The following MCTP1 variants were observed in gnomAD, a reference collection of about 807,000 sequenced individuals.
MCTP1 encodes the protein multiple C2 and transmembrane domain-containing protein 1.
Under a neutral mutation model 120.6 loss-of-function variants are expected in MCTP1, and 69 were observed. The ratio of observed to expected loss-of-function variants is 0.57; its 90% CI spans 0.47 to 0.70. The LOEUF (loss-of-function observed/expected upper bound fraction) is 0.70. Among genes scored for constraint, MCTP1 ranks in the 30% least tolerant of loss-of-function variants. The probability of loss-of-function intolerance (pLI) is 0.00; values close to 1 mark genes in which losing one functional copy is unlikely to be tolerated. For synonymous variants in MCTP1, 529 were observed against 493.1 expected (o/e 1.07, Z -0.96); for missense variants, 1,203 against 1,248.8 (o/e 0.96, Z 0.55).
chr5:94,718,091 T>A (rs1449835469), intron 19 of MCTP1, among the ~76,000 whole-genome samples: 1 of 152,188 alleles, frequency 6.6e-6, no homozygotes, highest in Non-Finnish European at 1.5e-5. Context: ...GCTGGAGGCA[T>A]CATGCTACCT....
At chr5:95,159,781 G>T (rs1362185505) in intron 1 of MCTP1, among the ~76,000 whole-genome samples, 1 of 151,876 alleles carries the variant, frequency 6.6e-6, no homozygotes, top group African/African-American at 2.4e-5. Context: ...CAAGTACTAT[G>T]AATAAAACAG....
Position 94,777,939 on chromosome 5 carries a change from T to TGTGC in MCTP1, c.2610+1170_2610+1171insGCAC. Among the ~76,000 whole-genome samples, 5 of 151,692 alleles carry TGTGC rather than the reference T, an allele frequency of 3.3e-5. No homozygotes were observed. In the South Asian group the frequency reaches 1.0e-3, roughly 32 times the overall value. ...GGGAGAAAGTGTGCGTGTGTGTGTGTGTGTGTGTGTGTGTGTGTTTCTGTT... is the reference window on the plus strand; with the variant it reads ...GGGAGAAAGTGTGCGTGTGTGTGTGTGTGCGTGTGTGTGTGTGTGTGTTTCTGTT... On this transcript the variant is annotated intron_variant, in intron 19 of 22. Coordinates refer to ENST00000515393, the MANE Select transcript of MCTP1 (RefSeq NM_024717.7).
chr5:95,104,396 T>C (rs917053731), intron 1 of MCTP1, among the ~76,000 whole-genome samples: 2 of 152,176 alleles, frequency 1.3e-5, no homozygotes, highest in African/African-American at 2.4e-5. Flanking sequence ...CCCATAAAAT[T>C]TGAATTTTTG....
chr5:94,812,766 T>C (rs1783705203), intron 17 of MCTP1, among the ~76,000 whole-genome samples: 1 of 115,066 alleles, frequency 8.7e-6, no homozygotes. Context: ...CAGTGAGACC[T>C]TGCCTCTTAA....
chr5:95,144,600 G>A (rs1344132423), intron 1 of MCTP1, among the ~76,000 whole-genome samples: 1 of 152,030 alleles, frequency 6.6e-6, no homozygotes. Flanking sequence ...GGTTTTATGA[G>A]TCTAGTTTCA....
intron 1 of MCTP1, among the ~76,000 whole-genome samples, chr5:95,074,209 G>A (rs1023421774): frequency 2.6e-5 from 4 of 152,254 alleles, no homozygotes; most frequent in Non-Finnish European, 4.4e-5. Flanking sequence ...CATGTAGTTT[G>A]AGCAAGATTC....
At chr5:94,969,564 C>T (rs1278477017) in intron 2 of MCTP1, among the ~76,000 whole-genome samples, 1 of 151,722 alleles carries the variant, frequency 6.6e-6, no homozygotes, top group Non-Finnish European at 1.5e-5. Flanking sequence ...GAAAACAATG[C>T]CAAATTGCAA....
At chr5:94,796,549 G>A (rs944131716) in intron 18 of MCTP1, among the ~76,000 whole-genome samples, 41 of 129,416 alleles carry the variant, frequency 3.2e-4, no homozygotes, top group African/African-American at 1.2e-3. Flanking sequence ...CCCTAAATTC[G>A]TATATATGTG....
chr5:94,738,233 C>T (rs1002231651), intron 19 of MCTP1, among the ~76,000 whole-genome samples: 2 of 152,160 alleles, frequency 1.3e-5, no homozygotes, highest in African/African-American at 4.8e-5. Flanking sequence ...TTTTGAAATT[C>T]CTTTTCAATC....
At chr5:95,148,281 T>G (rs1398629084) in intron 1 of MCTP1, among the ~76,000 whole-genome samples, 1 of 149,866 alleles carries the variant, frequency 6.7e-6, no homozygotes, top group Non-Finnish European at 1.5e-5. Flanking sequence ...TTTCATGAAC[T>G]ACATCCTCAA....
chr5:95,282,711 G>A lies in MCTP1; in HGVS notation c.720+1145C>T, dbSNP rs576184398. Among the ~76,000 whole-genome samples the A allele has an allele frequency of 1.5e-4, 23 of 152,288 alleles. No homozygotes were observed. In the South Asian group the frequency reaches 4.8e-3, roughly 32 times the overall value. ...ATCATCAGGTGTTTGCTTACAGCAAGCAATTTTGTTTATTAAGGAACAAAA... is the reference window on the plus strand; with the variant it reads ...ATCATCAGGTGTTTGCTTACAGCAAACAATTTTGTTTATTAAGGAACAAAA... On this transcript the variant is annotated intron_variant, in intron 1 of 22. Coordinates refer to ENST00000515393, the MANE Select transcript of MCTP1 (RefSeq NM_024717.7).
At chr5:94,755,611 C>T (rs80231800) in intron 19 of MCTP1, among the ~76,000 whole-genome samples, 23 of 152,276 alleles carry the variant, frequency 1.5e-4, no homozygotes, top group South Asian at 8.3e-4. Context: ...TTCATTCTAG[C>T]GATATATTTC....
chr5:94,740,994 C>T (rs1180869721), intron 19 of MCTP1, among the ~76,000 whole-genome samples: 1 of 152,132 alleles, frequency 6.6e-6, no homozygotes. Context: ...AGCCAAGAAT[C>T]CACAGCAAGG....
intron 1 of MCTP1, among the ~76,000 whole-genome samples, chr5:95,024,489 C>T (rs1205253682): frequency 1.3e-5 from 2 of 152,014 alleles, no homozygotes; most frequent in African/African-American, 4.8e-5. Context: ...TATGACAAGT[C>T]CATAGCTAAC....
intron 17 of MCTP1, among the ~76,000 whole-genome samples, chr5:94,850,420 G>A (rs1233611834): frequency 6.6e-6 from 1 of 152,178 alleles, no homozygotes; most frequent in Non-Finnish European, 1.5e-5. Context: ...CACTGCAAGC[G>A]AGTAAATGGA....
intron 1 of MCTP1, among the ~76,000 whole-genome samples, chr5:95,135,144 T>C (rs1301984716): frequency 1.3e-5 from 2 of 148,450 alleles, no homozygotes; most frequent in African/African-American, 5.0e-5. Flanking sequence ...AAGAAACAAA[T>C]CTGAAAGAAA....
intron 1 of MCTP1, among the ~76,000 whole-genome samples, chr5:95,080,650 G>A (rs867279607): frequency 1.3e-5 from 2 of 152,172 alleles, no homozygotes; most frequent in Admixed American, 6.5e-5. Flanking sequence ...CTGATTTGAT[G>A]TTATTGCTTC....
At position 94,873,241 on chromosome 5, in the gene MCTP1, C is replaced by T; in HGVS notation, c.1934G>A (p.Gly645Glu). The change falls in exon 13 of 23, where the codon GGA becomes GAA. Residue 645 changes from glycine (G) to glutamate (E), a missense_variant and splice_region_variant. Transcript: ENST00000515393. The part of the protein sequence containing the change: ...AEGLMAADVT[G>E]KSDPFCVVEL... The stretch of plus-strand genomic sequence containing the variant: ...TACCACACAAAATGGGTCACTTTTT[C>T]CTACAAGAGATTTTTGGTAAATATT... 2 of 1,569,370 alleles carry T rather than the reference C, an allele frequency of 1.3e-6. No individual in the cohort carries two copies. The highest frequency in any genetic ancestry group is 2.2e-5 in the South Asian group (2 of 89,992).
At chr5:94,874,661 G>A (rs542534617) in intron 12 of MCTP1, among the ~76,000 whole-genome samples, 6 of 151,908 alleles carry the variant, frequency 3.9e-5, no homozygotes, top group South Asian at 2.1e-4. Context: ...TCCTCCAATC[G>A]TCTTTATCCT....
Sources: allele counts gnomAD v4.1 joint callset (sites outside exome capture counted in the v4.1 genomes callset), GRCh38; gene constraint gnomAD v4.1.1; transcripts MANE v1.5; gene names NCBI Gene and HGNC (gene_info 2026-07-23, HGNC 2026-07-21).